ESPNL: variants seen among roughly 807,000 people sequenced by gnomAD.
ESPNL encodes espin-like protein.
Under a neutral mutation model 46.8 loss-of-function variants are expected in ESPNL, and 49 were observed. The ratio of observed to expected loss-of-function variants is 1.05; its 90% CI spans 0.83 to 1.33. The LOEUF (loss-of-function observed/expected upper bound fraction) is 1.33. Among genes scored for constraint, ESPNL ranks in the 40% most tolerant of loss-of-function variants. The pLI is 0.00. For missense variants in ESPNL, 1,540 were observed against 1,436.6 expected (o/e 1.07, Z -1.16); for synonymous variants, 664 against 662.1 (o/e 1.00, Z -0.04).
At chr2:238,113,852 C>T (rs897502165) in intron 4 of ESPNL, among the ~76,000 whole-genome samples, 1 of 152,198 alleles carries the variant, frequency 6.6e-6, no homozygotes, top group African/African-American at 2.4e-5. Context: ...GACGGCACAT[C>T]ATATAACTGT....
At chr2:238,106,938 C>G (rs1004119727) in intron 3 of ESPNL, among the ~76,000 whole-genome samples, 1 of 152,218 alleles carries the variant, frequency 6.6e-6, no homozygotes, top group African/African-American at 2.4e-5. Flanking sequence ...CAGTCAGGAG[C>G]GCCCTGGCTG....
intron 5 of ESPNL, among the ~76,000 whole-genome samples, chr2:238,119,162 G>A (rs1276557588): frequency 7.8e-6 from 1 of 128,362 alleles, no homozygotes; most frequent in South Asian, 3.0e-4. Context: ...ATGGAGGAGG[G>A]GAGATGGAGG....
intron 1 of ESPNL, 46 bp from the exon 2 acceptor site, chr2:238,101,895 C>G: frequency 1.4e-6 from 2 of 1,478,946 alleles, no homozygotes; most frequent in South Asian, 2.4e-5. Context: ...CTGGCTCTGA[C>G]CTCACGGCCT....
chr2:238,111,074 G>A (rs935433076), intron 4 of ESPNL, among the ~76,000 whole-genome samples: 16 of 148,070 alleles, frequency 1.1e-4, no homozygotes, highest in South Asian at 2.2e-4. Context: ...TTACAGGCAC[G>A]CACCACCACA....
rs891000121 is a variant in ESPNL, at chr2:238,127,427, G to A, written c.1103-195G>A. The A allele has an allele frequency of 6.6e-5, 88 of 1,333,420 alleles. 1 individual carries two copies. Among genetic ancestry groups the A allele is most frequent in the South Asian group, 5.2e-4 (26 of 50,236 alleles). The allele number at this position is 1,333,420 out of a possible 1,614,324, so 82.6% of individuals were successfully genotyped here. On this transcript the variant is annotated intron_variant, in intron 6 of 8. Transcript: ENST00000343063. ...AGGCTCTCCCATCGACCAGGCGGGGGCGGGCCCCACTGACTCCCCAGAGAA... is the reference window on the plus strand; with the variant it reads ...AGGCTCTCCCATCGACCAGGCGGGGACGGGCCCCACTGACTCCCCAGAGAA...
At chr2:238,117,410 T>C (rs1691840805) in intron 5 of ESPNL, among the ~76,000 whole-genome samples, 1 of 152,186 alleles carries the variant, frequency 6.6e-6, no homozygotes, top group African/African-American at 2.4e-5. Flanking sequence ...GCCATGCCTT[T>C]CGTCTGGGTC....
chr2:238,104,190 C>T (rs1559258050), intron 2 of ESPNL, among the ~76,000 whole-genome samples: 3 of 152,098 alleles, frequency 2.0e-5, no homozygotes, highest in Non-Finnish European at 2.9e-5. Flanking sequence ...GGCACGAGCC[C>T]GAGAGTTGAC....
Position 238,101,962 on chromosome 2 carries a change from TC to T in ESPNL, c.320del (p.Pro107ArgfsTer26), listed in dbSNP as rs1395070449. ...GLQDQDASGV[S>X]PLHLAARFGH... ...GTAGGACCAAGATGCCTCGGGCGTC[TC>T]CCCGCTGCACCTGGCCGCCCGTTTT... is the stretch of plus-strand genomic sequence containing the variant. On this transcript the variant is annotated frameshift_variant, in exon 2 of 9. Coordinates refer to ENST00000343063, the MANE Select transcript of ESPNL (RefSeq NM_194312.4). LOFTEE classifies it high-confidence loss of function. 3.1e-6 allele frequency: 5 copies of T among 1,609,258 alleles called. No individual in the cohort carries two copies. The highest frequency in any genetic ancestry group is 3.4e-6 in the Non-Finnish European group (4 of 1,179,300).
chr2:238,118,805 G>A lies in ESPNL; in HGVS notation c.987+1771G>A, dbSNP rs1691897145. ...GAGATGGAGGAGGGTGGATGGAGGA[G>A]GAATGGATGGAGGAGGAATGGATGG... On this transcript the variant is annotated intron_variant, in intron 5 of 8. Transcript: ENST00000343063. Among the ~76,000 whole-genome samples the A allele has an allele frequency of 2.1e-5, 2 of 95,084 alleles. 1 individual carries two copies. Among genetic ancestry groups the A allele is most frequent in the Non-Finnish European group, 4.3e-5 (2 of 47,058 alleles). 62.4% of individuals were successfully genotyped at this position (95,084 alleles called of 152,430 possible).
At chr2:238,124,140 C>T (rs935416) in intron 5 of ESPNL, among the ~76,000 whole-genome samples, 26,821 of 152,240 alleles carry the variant, frequency 0.18, 2,503 homozygotes, top group East Asian at 0.24. Context: ...CCTCCCACGA[C>T]GGGCCCTGGG....
Position 238,130,198 on chromosome 2 carries a change from TG to T in ESPNL, c.1488del (p.Phe498LeufsTer5). 1 of 1,612,418 alleles carries T rather than the reference TG, an allele frequency of 6.2e-7. No individual in the cohort carries two copies. Among genetic ancestry groups the T allele is most frequent in the Non-Finnish European group, 8.5e-7 (1 of 1,179,750 alleles). On this transcript the variant is annotated frameshift_variant, in exon 9 of 9. Transcript: ENST00000343063. LOFTEE classifies it low-confidence loss of function (END_TRUNC). ...TACTCACAGACTCATCAGGCCATCCTGGGGCCCTTTGGGGAGCTGCTGACAG... is the reference window on the plus strand; with the variant it reads ...TACTCACAGACTCATCAGGCCATCCTGGGCCCTTTGGGGAGCTGCTGACAG... ...WRYSQTHQAI[L>X]GPFGELLTED...
At chr2:238,103,710 C>T (rs1691535598) in intron 2 of ESPNL, among the ~76,000 whole-genome samples, 1 of 152,208 alleles carries the variant, frequency 6.6e-6, no homozygotes, top group Non-Finnish European at 1.5e-5. Flanking sequence ...AAGCACGGAT[C>T]CTCCCCTGAG....
chr2:238,105,569 G>T lies in ESPNL; in HGVS notation c.672+727G>T, dbSNP rs111327095. On this transcript the variant is annotated intron_variant, in intron 3 of 8. Coordinates refer to ENST00000343063, the MANE Select transcript of ESPNL (RefSeq NM_194312.4). Reference sequence around the variant, plus strand: ...GCCCTCTTTGAGGAGGGGACTTGGGGGCAGAACTGAGGATGGACAGGAGGC... The same window carrying T: ...GCCCTCTTTGAGGAGGGGACTTGGGTGCAGAACTGAGGATGGACAGGAGGC... Among the ~76,000 whole-genome samples the T allele has an allele frequency of 1.8e-3, 268 of 152,052 alleles. 2 individuals carry two copies. Among genetic ancestry groups the T allele is most frequent in the Middle Eastern group, 0.014 (4 of 294 alleles).
intron 5 of ESPNL, among the ~76,000 whole-genome samples, chr2:238,120,584 C>T (rs1691964752): frequency 6.6e-6 from 1 of 152,278 alleles, no homozygotes; most frequent in African/African-American, 2.4e-5. Context: ...CGCCTGGGCG[C>T]CCCCTGCCCG....
intron 5 of ESPNL, among the ~76,000 whole-genome samples, chr2:238,119,228 A>ATGGAG (rs1691917762): frequency 1.0e-5 from 1 of 98,228 alleles, no homozygotes; most frequent in Admixed American, 1.1e-4. Flanking sequence ...GGTGGAAGGA[A>ATGGAG]GAGGGTGGAT....
chr2:238,119,562 GA>G (rs1691939015), intron 5 of ESPNL, among the ~76,000 whole-genome samples: 1 of 94,232 alleles, frequency 1.1e-5, no homozygotes, highest in Non-Finnish European at 2.2e-5. Flanking sequence ...GATGAAGGAG[GA>G]ATGGATGGAG....
At chr2:238,117,160 C>T in intron 5 of ESPNL, 126 bp downstream of exon 5, 2 of 1,294,828 alleles carry the variant, frequency 1.5e-6, no homozygotes, top group South Asian at 3.0e-5. Flanking sequence ...TCATACATGG[C>T]ATTGGAGCCA....
chr2:238,129,608 C>T (rs1401361156), intron 8 of ESPNL, among the ~76,000 whole-genome samples: 1 of 152,214 alleles, frequency 6.6e-6, no homozygotes, highest in Non-Finnish European at 1.5e-5. Context: ...GCTCCCCGGG[C>T]TGCTGTGCAG....
At chr2:238,122,329 C>T (rs1039345010) in intron 5 of ESPNL, among the ~76,000 whole-genome samples, 1 of 152,248 alleles carries the variant, frequency 6.6e-6, no homozygotes, top group Admixed American at 6.5e-5. Context: ...CAGAGACCAT[C>T]CTAATACCGA....
Sources: allele counts gnomAD v4.1 joint callset (sites outside exome capture counted in the v4.1 genomes callset), GRCh38; gene constraint gnomAD v4.1.1; transcripts MANE v1.5; gene names NCBI Gene and HGNC (gene_info 2026-07-23, HGNC 2026-07-21).